UGT1A9: variants seen among roughly 807,000 people sequenced by gnomAD.
UGT1A9 encodes UDP glucuronosyltransferase family 1 member A9.
Under a neutral mutation model 45.0 loss-of-function variants are expected in UGT1A9, and 35 were observed. That is an observed-to-expected ratio of 0.78 (90% CI 0.59 to 1.03). The LOEUF (loss-of-function observed/expected upper bound fraction) is 1.03, where lower values mean the gene tolerates loss of function less well. Among genes scored for constraint, UGT1A9 ranks in the 50% least tolerant of loss-of-function variants. The probability of loss-of-function intolerance (pLI) is 0.00; values close to 1 mark genes in which losing one functional copy is unlikely to be tolerated. For missense variants in UGT1A9, 687 were observed against 666.6 expected, an observed-to-expected ratio of 1.03 and a Z score of -0.34; for synonymous variants, 278 against 250.6, an observed-to-expected ratio of 1.11 and a Z score of -1.03.
At chr2:233,681,518 G>A (rs2074526390) in intron 1 of UGT1A9, among the ~76,000 whole-genome samples, 1 of 123,672 alleles carries the variant, frequency 8.1e-6, no homozygotes, top group African/African-American at 3.2e-5. Context: ...ATGACACAGT[G>A]AGACTCCATC....
chr2:233,698,318 G>A (rs2075436296), intron 1 of UGT1A9, among the ~76,000 whole-genome samples: 1 of 152,208 alleles, frequency 6.6e-6, no homozygotes, highest in Non-Finnish European at 1.5e-5. Flanking sequence ...GGAAATGTCT[G>A]GAACCAGATA....
At chr2:233,730,094 A>G (rs1211055945) in intron 1 of UGT1A9, 2 of 1,593,062 alleles carry the variant, frequency 1.3e-6, no homozygotes, top group South Asian at 2.3e-5. Context: ...ATCTTTCCAA[A>G]TATTTCATTT....
At chr2:233,712,193 C>T (rs144263331) in intron 1 of UGT1A9, among the ~76,000 whole-genome samples, 3 of 152,338 alleles carry the variant, frequency 2.0e-5, no homozygotes, top group Admixed American at 6.5e-5. Context: ...CCAGCTCCCC[C>T]GGTCCCTTGG....
intron 1 of UGT1A9, chr2:233,760,232 C>T: frequency 1.4e-6 from 2 of 1,429,080 alleles, no homozygotes; most frequent in South Asian, 2.6e-5. Flanking sequence ...TTGGTTTTTG[C>T]CATATATATA....
intron 1 of UGT1A9, among the ~76,000 whole-genome samples, chr2:233,704,643 A>G (rs2075801430): frequency 6.6e-6 from 1 of 152,104 alleles, no homozygotes; most frequent in Admixed American, 6.6e-5. Flanking sequence ...CTTTTTGCTT[A>G]TCATTTTTGG....
At chr2:233,676,086 C>G (rs2074345666) in intron 1 of UGT1A9, among the ~76,000 whole-genome samples, 1 of 152,150 alleles carries the variant, frequency 6.6e-6, no homozygotes, top group Admixed American at 6.5e-5. Flanking sequence ...CAAGATCATT[C>G]AAATGGGAAA....
At chr2:233,703,519 A>G (rs1315690951) in intron 1 of UGT1A9, among the ~76,000 whole-genome samples, 1 of 151,980 alleles carries the variant, frequency 6.6e-6, no homozygotes, top group Non-Finnish European at 1.5e-5. Context: ...GTGGAGTGAC[A>G]CTTATCATTA....
rs2013021 is a variant in UGT1A9 at position 233,712,440 on chromosome 2, C to A, written c.855+39651C>A. ...ACAAGAAATATCCTGGTGTGAAAAA[C>A]GACCAAAACCAGATAGCCAGCCTCC... On this transcript the variant is annotated intron_variant, in intron 1 of 4. Coordinates refer to ENST00000354728, the MANE Select transcript of UGT1A9 (RefSeq NM_021027.3). 3.9e-5 allele frequency among the ~76,000 whole-genome samples: 6 copies of A among 152,200 alleles called. No individual in the cohort carries two copies. In the East Asian group the frequency reaches 9.7e-4, roughly 25 times the overall value.
chr2:233,771,662 C>A (rs1000689194), intron 4 of UGT1A9: 1 of 152,330 alleles, frequency 6.6e-6, no homozygotes, highest in Non-Finnish European at 1.5e-5. Flanking sequence ...AATGAAATTT[C>A]TCACAAAATA....
At chr2:233,734,324 A>G (rs1395140152) in intron 1 of UGT1A9, among the ~76,000 whole-genome samples, 1 of 152,194 alleles carries the variant, frequency 6.6e-6, no homozygotes, top group Non-Finnish European at 1.5e-5. Flanking sequence ...ACGTATTTAT[A>G]GTATTCTCTG....
intron 1 of UGT1A9, among the ~76,000 whole-genome samples, chr2:233,716,634 C>T (rs1575513660): frequency 6.6e-6 from 1 of 152,096 alleles, no homozygotes; most frequent in Non-Finnish European, 1.5e-5. Context: ...AAGTTTTTAT[C>T]GTTTGTACTT....
rs529174964 is a variant in UGT1A9, at chr2:233,763,096, G to C, written c.856-3938G>C. Among the ~76,000 whole-genome samples the C allele has an allele frequency of 2.0e-5, 3 of 152,310 alleles. No individual in the cohort carries two copies. The East Asian group carries it at 5.8e-4, about 29-fold the overall frequency. On this transcript the variant is annotated intron_variant, in intron 1 of 4. Transcript: ENST00000354728. Reference sequence around the variant, plus strand: ...TTGCGTGAGGATGTTTGTAGGAGAGGCACCGAACTTTATCAGCTGCCTTTC... The same window carrying C: ...TTGCGTGAGGATGTTTGTAGGAGAGCCACCGAACTTTATCAGCTGCCTTTC...
rs2074222814 is a variant in UGT1A9, at chr2:233,672,348, G to A, written c.414G>A (p.Lys138=). The change falls in exon 1 of 5, where the codon AAG becomes AAA. Residue 138 remains lysine, a synonymous_variant. Coordinates refer to ENST00000354728, the MANE Select transcript of UGT1A9 (RefSeq NM_021027.3). ...ACAAAAAATTAGTAGAATACTTAAA[G>A]GAGAGTTCTTTTGATGCAGTGTTTC... ...FKDKKLVEYL[K]ESSFDAVFLD... is the part of the protein sequence containing the mutation. The A allele has an allele frequency of 6.2e-7, 1 of 1,614,126 alleles. No homozygotes were observed. The highest frequency in any genetic ancestry group is 1.3e-5 in the African/African-American group (1 of 75,024).
chr2:233,680,252 A>G (rs1339580388), intron 1 of UGT1A9, among the ~76,000 whole-genome samples: 1 of 152,136 alleles, frequency 6.6e-6, no homozygotes, highest in Non-Finnish European at 1.5e-5. Flanking sequence ...ATTACACTAA[A>G]CATGATGAAA....
intron 1 of UGT1A9, chr2:233,760,131 T>A: frequency 7.3e-7 from 1 of 1,362,720 alleles, no homozygotes; most frequent in African/African-American, 1.5e-5. Context: ...TCCACCTTCT[T>A]TATCTCTGAA....
At chr2:233,729,066 A>G (rs1283687503) in intron 1 of UGT1A9, 3 of 1,611,112 alleles carry the variant, frequency 1.9e-6, no homozygotes, top group Non-Finnish European at 2.5e-6. Context: ...TAAGATGAAG[A>G]AAGCAAATGT....
chr2:233,700,404 A>C (rs1297317777), intron 1 of UGT1A9, among the ~76,000 whole-genome samples: 1 of 152,178 alleles, frequency 6.6e-6, no homozygotes, highest in African/African-American at 2.4e-5. Context: ...TTTTGGCAGC[A>C]GTGTTTCTGT....
chr2:233,690,565 A>G, intron 1 of UGT1A9: 1 of 1,289,360 alleles, frequency 7.8e-7, no homozygotes, highest in Non-Finnish European at 1.0e-6. Context: ...AGCCTGAGTC[A>G]TTCAGCCTGC....
At chr2:233,752,573 T>C (rs1337077118) in intron 1 of UGT1A9, 4 of 152,170 alleles carry the variant, frequency 2.6e-5, no homozygotes, top group Admixed American at 2.6e-4. Flanking sequence ...TGGGTCAACA[T>C]CATTCCCATC....
Sources: gnomAD v4.1 joint callset for allele counts (sites outside exome capture counted in the v4.1 genomes callset) on GRCh38, gnomAD v4.1.1 for gene constraint, MANE v1.5 for transcripts, NCBI Gene and HGNC (gene_info 2026-07-23, HGNC 2026-07-21) for gene names.